ST8SIA6: variants seen among roughly 807,000 people sequenced by gnomAD.
The protein encoded by ST8SIA6 is ST8 alpha-N-acetyl-neuraminide alpha-2,8-sialyltransferase 6, also known as alpha-2,8-sialyltransferase 8F.
A neutral mutation model predicts 33.6 loss-of-function variants in ST8SIA6; 39 were observed. The ratio of observed to expected loss-of-function variants is 1.16; its 90% CI spans 0.90 to 1.52. The LOEUF (loss-of-function observed/expected upper bound fraction) is 1.52. ST8SIA6 is among the 40% of genes most tolerant of loss of function. ST8SIA6 has a pLI of 0.00. For missense variants in ST8SIA6, 441 were observed against 443.8 expected (o/e 0.99, Z 0.06); for synonymous variants, 172 against 167.2 (o/e 1.03, Z -0.22).
intron 2 of ST8SIA6, chr10:17,410,308 G>A (rs565952408): frequency 2.0e-5 from 3 of 152,292 alleles, no homozygotes; most frequent in African/African-American, 7.2e-5. Context: ...ATGTCTCATC[G>A]TACTGAGACA....
chr10:17,370,608 CTT>C (rs1849701515), intron 3 of ST8SIA6, among the ~76,000 whole-genome samples: 1 of 152,022 alleles, frequency 6.6e-6, no homozygotes, highest in African/African-American at 2.4e-5. Flanking sequence ...TAGCTCTATT[CTT>C]TTTTCTCCTT....
At chr10:17,366,634 G>C (rs1205269040) in intron 3 of ST8SIA6, among the ~76,000 whole-genome samples, 2 of 152,076 alleles carry the variant, frequency 1.3e-5, no homozygotes, top group Non-Finnish European at 2.9e-5. Flanking sequence ...GATTGGTGGA[G>C]CACACTAGGG....
intron 2 of ST8SIA6, among the ~76,000 whole-genome samples, chr10:17,430,405 T>C (rs1009615659): frequency 2.6e-5 from 4 of 152,352 alleles, no homozygotes; most frequent in Middle Eastern, 3.4e-3. Context: ...TTTGGCTAGA[T>C]ACCTGATAGT....
At chr10:17,374,764 T>TATATATATATATATATACACACAC (rs1441288579) in intron 3 of ST8SIA6, among the ~76,000 whole-genome samples, 2 of 126,848 alleles carry the variant, frequency 1.6e-5, no homozygotes, top group African/African-American at 6.0e-5. Flanking sequence ...TATATATATA[T>TATATATATATATATATACACACAC]ATATTTAGCT....
chr10:17,395,453 G>C (rs1255853214), intron 2 of ST8SIA6, among the ~76,000 whole-genome samples: 1 of 152,068 alleles, frequency 6.6e-6, no homozygotes, highest in Admixed American at 6.5e-5. Context: ...GACTCAGTAG[G>C]GTTGCCAGGC....
At chr10:17,428,022 C>G (rs765355711) in intron 2 of ST8SIA6, among the ~76,000 whole-genome samples, 1 of 152,210 alleles carries the variant, frequency 6.6e-6, no homozygotes, top group Non-Finnish European at 1.5e-5. Flanking sequence ...ACAAGATCAT[C>G]GTGTTTATTG....
chr10:17,431,736 GAAAAAAAA>G (rs113184112), intron 2 of ST8SIA6, among the ~76,000 whole-genome samples: 2 of 118,870 alleles, frequency 1.7e-5, no homozygotes, highest in African/African-American at 5.4e-5. Flanking sequence ...TCTTCGTTTG[GAAAAAAAA>G]AAAAAAAAAG....
chr10:17,408,611 G>A (rs973963618), intron 2 of ST8SIA6, among the ~76,000 whole-genome samples: 3 of 151,744 alleles, frequency 2.0e-5, no homozygotes, highest in Non-Finnish European at 4.4e-5. Flanking sequence ...AGTGAGCCGC[G>A]ATGGTGCCAC....
rs921972586 is a variant in ST8SIA6, at chr10:17,317,093, C to T, written c.*3785G>A. 6.6e-6 allele frequency among the ~76,000 whole-genome samples: 1 copy of T among 152,110 alleles called. No homozygotes were observed. The highest frequency in any genetic ancestry group is 1.5e-5 in the Non-Finnish European group (1 of 68,006). ...TGAGCTTTAAAGTTTTCTTTTTAATCCATCGTTTTCATCCCTCTGGAGCCC... is the reference window on the plus strand; with the variant it reads ...TGAGCTTTAAAGTTTTCTTTTTAATTCATCGTTTTCATCCCTCTGGAGCCC... On this transcript the variant is annotated 3_prime_UTR_variant, in exon 8 of 8. Transcript: ENST00000377602.
At chr10:17,393,071 G>A (rs1288279217) in intron 2 of ST8SIA6, among the ~76,000 whole-genome samples, 1 of 152,222 alleles carries the variant, frequency 6.6e-6, no homozygotes, top group Non-Finnish European at 1.5e-5. Context: ...CAAAAAAGTG[G>A]AGGAAGGGTG....
At chr10:17,387,874 T>C (rs1850439873) in intron 3 of ST8SIA6, among the ~76,000 whole-genome samples, 1 of 152,248 alleles carries the variant, frequency 6.6e-6, no homozygotes, top group Admixed American at 6.5e-5. Context: ...GGTTTGTTTC[T>C]TGCCCATGAA....
At chr10:17,322,506 G>T (rs1847992538) in intron 7 of ST8SIA6, among the ~76,000 whole-genome samples, 2 of 152,060 alleles carry the variant, frequency 1.3e-5, no homozygotes, top group African/African-American at 4.8e-5. Context: ...ATAACTATTA[G>T]CACGAACATA....
At chr10:17,450,639 A>G (rs1852874899) in intron 2 of ST8SIA6, among the ~76,000 whole-genome samples, 1 of 152,078 alleles carries the variant, frequency 6.6e-6, no homozygotes, top group Non-Finnish European at 1.5e-5. Context: ...ACAAGGTTTC[A>G]TCATGTTGGT....
chr10:17,342,985 T>G (rs1329018883), intron 4 of ST8SIA6, among the ~76,000 whole-genome samples: 5 of 152,170 alleles, frequency 3.3e-5, no homozygotes, highest in African/African-American at 4.8e-5. Context: ...CAGGGCGTTA[T>G]GATAATGGCT....
chr10:17,346,610 A>G (rs1013492107), intron 4 of ST8SIA6, among the ~76,000 whole-genome samples: 2 of 152,264 alleles, frequency 1.3e-5, no homozygotes, highest in South Asian at 2.1e-4. Flanking sequence ...AGTAACAACA[A>G]CAACAAAAAA....
Position 17,316,882 on chromosome 10 carries a change from C to A in ST8SIA6, c.*3996G>T, listed in dbSNP as rs1354783538. On this transcript the variant is annotated 3_prime_UTR_variant, in exon 8 of 8. Coordinates refer to ENST00000377602, the MANE Select transcript of ST8SIA6 (RefSeq NM_001004470.3). ...CATTAATTTTATGCATTACTAAAAG[C>A]TATTTCAGTCTGTCCCCAGCCTATT... is the stretch of plus-strand genomic sequence containing the variant. Among the ~76,000 whole-genome samples, 2 of 152,114 alleles carry A rather than the reference C, an allele frequency of 1.3e-5. No homozygotes were observed. Among genetic ancestry groups the A allele is most frequent in the Admixed American group, 6.6e-5 (1 of 15,264 alleles).
At chr10:17,338,805 A>G (rs359311) in intron 4 of ST8SIA6, among the ~76,000 whole-genome samples, 84,301 of 152,070 alleles carry the variant, frequency 0.55, 23,866 homozygotes, top group African/African-American at 0.67. Flanking sequence ...ACCTTCAGCA[A>G]TTTCCTCCAT....
At chr10:17,405,884 C>CAAAAAAA (rs10546412) in intron 2 of ST8SIA6, among the ~76,000 whole-genome samples, 2 of 85,356 alleles carry the variant, frequency 2.3e-5, no homozygotes, top group Non-Finnish European at 5.3e-5. Context: ...GACTCCATTT[C>CAAAAAAA]AAAAAAAAAA....
chr10:17,362,984 A>G (rs1034060810), intron 3 of ST8SIA6, among the ~76,000 whole-genome samples: 4 of 152,154 alleles, frequency 2.6e-5, no homozygotes, highest in African/African-American at 9.7e-5. Flanking sequence ...TGCTGGGATT[A>G]CAGGCCTGAG....
Sources: gnomAD v4.1 joint callset for allele counts (sites outside exome capture counted in the v4.1 genomes callset) on GRCh38, gnomAD v4.1.1 for gene constraint, MANE v1.5 for transcripts, NCBI Gene and HGNC (gene_info 2026-07-23, HGNC 2026-07-21) for gene names.